The following PPARGC1B variants were observed in gnomAD, a reference collection of about 807,000 sequenced individuals.
The protein encoded by PPARGC1B is peroxisome proliferator-activated receptor gamma coactivator 1-beta.
PPARGC1B carries 34 observed loss-of-function variants against 101.6 expected under a neutral mutation model. That is an observed-to-expected ratio of 0.33 (90% CI 0.25 to 0.45). The LOEUF is 0.45. PPARGC1B is among the 20% of genes least tolerant of loss of function. The pLI, the probability that PPARGC1B is intolerant of heterozygous loss-of-function variation, is 1.00. For missense variants in PPARGC1B, 1,234 were observed against 1,317.6 expected (o/e 0.94, Z 0.98); for synonymous variants, 548 against 539.3 (o/e 1.02, Z -0.22).
chr5:149,767,850 T>C (rs1755972874), intron 1 of PPARGC1B, among the ~76,000 whole-genome samples: 1 of 152,140 alleles, frequency 6.6e-6, no homozygotes, highest in African/African-American at 2.4e-5. Flanking sequence ...GGGTGGCGGA[T>C]GCAGGGAAGA....
chr5:149,820,674 G>T (rs1758257868), intron 2 of PPARGC1B, 68 bp downstream of exon 2: 1 of 1,449,902 alleles, frequency 6.9e-7, no homozygotes, highest in Non-Finnish European at 9.5e-7. Context: ...TCCCGGCTCT[G>T]CCCTGCTCTG....
At chr5:149,841,740 A>G (rs1759345980) in intron 9 of PPARGC1B, among the ~76,000 whole-genome samples, 1 of 152,130 alleles carries the variant, frequency 6.6e-6, no homozygotes, top group South Asian at 2.1e-4. Context: ...ACCCACTGGC[A>G]TAGCATGGAA....
At chr5:149,831,254 C>A (rs2113393044) in intron 4 of PPARGC1B, among the ~76,000 whole-genome samples, 1 of 152,290 alleles carries the variant, frequency 6.6e-6, no homozygotes, top group East Asian at 1.9e-4. Flanking sequence ...TTTCCCCCCT[C>A]AGGGAGCCCA....
intron 1 of PPARGC1B, among the ~76,000 whole-genome samples, chr5:149,769,354 G>C (rs972497635): frequency 3.3e-5 from 5 of 152,174 alleles, no homozygotes; most frequent in South Asian, 2.1e-4. Flanking sequence ...GAAGGCTGGG[G>C]ATCCTGGTCT....
rs373317441 is a variant in PPARGC1B, at chr5:149,815,038, T to C, written c.79-5395T>C. On this transcript the variant is annotated intron_variant, in intron 1 of 11. Transcript: ENST00000309241. ...GAAGCTCCATTTCCCCACCTGCAGA[T>C]GGGAATGAATGGTCTTGAATGTTCC... is the stretch of plus-strand genomic sequence containing the variant. Among the ~76,000 whole-genome samples the C allele has an allele frequency of 1.1e-4, 16 of 152,332 alleles. No homozygotes were observed. In the East Asian group the frequency reaches 1.2e-3, roughly 11 times the overall value.
chr5:149,835,919 C>T (rs1253307289), intron 7 of PPARGC1B, among the ~76,000 whole-genome samples: 2 of 151,422 alleles, frequency 1.3e-5, no homozygotes, highest in Non-Finnish European at 1.5e-5. Context: ...AGGCACTTGG[C>T]CATTTTATTG....
rs538706193 is a variant in PPARGC1B, at chr5:149,840,158, G to A, written c.2694+42G>A. 284 of 1,572,458 alleles carry A rather than the reference G, an allele frequency of 1.8e-4. 6 individuals are homozygous for A. In the South Asian group the frequency reaches 2.4e-3, roughly 13 times the overall value. On this transcript the variant is annotated intron_variant, in intron 9 of 11. Coordinates refer to ENST00000309241, the MANE Select transcript of PPARGC1B (RefSeq NM_133263.4). ...CCCAGAGCCTGGAGTGAATGGGAAC[G>A]GACAGGAAGTGTGTGGGGGCTTCAT...
chr5:149,813,316 C>T (rs1229293424), intron 1 of PPARGC1B, among the ~76,000 whole-genome samples: 1 of 152,192 alleles, frequency 6.6e-6, no homozygotes, highest in African/African-American at 2.4e-5. Flanking sequence ...GGCAGTCGGG[C>T]AGGACTTAGG....
rs143288744 is a variant in PPARGC1B at position 149,782,961 on chromosome 5, G to A, written c.79-37472G>A. On this transcript the variant is annotated intron_variant, in intron 1 of 11. Transcript: ENST00000309241. ...GAAGGAAGAAGGGAAAAAAGGGCTTGTGTGAATGCAGCCAGTGGGTCCAAG... is the reference window on the plus strand; with the variant it reads ...GAAGGAAGAAGGGAAAAAAGGGCTTATGTGAATGCAGCCAGTGGGTCCAAG... Among the ~76,000 whole-genome samples the A allele has an allele frequency of 2.2e-3, 341 of 152,344 alleles. 1 individual carries two copies. Among genetic ancestry groups the A allele is most frequent in the African/African-American group, 7.7e-3 (319 of 41,582 alleles).
Position 149,830,846 on chromosome 5 carries a change from C to G in PPARGC1B, c.545C>G (p.Ala182Gly). 1 of 1,614,144 alleles carries G rather than the reference C, an allele frequency of 6.2e-7. No individual in the cohort carries two copies. The highest frequency in any genetic ancestry group is 8.5e-7 in the Non-Finnish European group (1 of 1,179,952). ...AAGGAAGGGACCGCCTGGCGCCAGG[C>G]AGGCCTCAGATCTAAAAGTCAACGG... is the stretch of plus-strand genomic sequence containing the variant. ...TQKEGTAWRQ[A>G]GLRSKSQRPC... is the part of the protein sequence containing the mutation. The change falls in exon 4 of 12, where the codon GCA (alanine) becomes GGA (glycine). Residue 182 changes from alanine (A) to glycine (G), a missense_variant. Physicochemically the swap from Ala to Gly is moderately conservative, Grantham distance 60 (BLOSUM62 0). This residue lies in a region of PPARGC1B where 734 missense variants were observed against 768.4 expected (regional missense o/e 0.96). Coordinates refer to ENST00000309241, the MANE Select transcript of PPARGC1B (RefSeq NM_133263.4).
At chr5:149,755,600 A>G (rs10038434) in intron 1 of PPARGC1B, among the ~76,000 whole-genome samples, 49,305 of 127,692 alleles carry the variant, frequency 0.39, 8,652 homozygotes, top group Non-Finnish European at 0.42. Flanking sequence ...TGTTGTTGTT[A>G]TTATTATTAT....
intron 1 of PPARGC1B, among the ~76,000 whole-genome samples, chr5:149,799,693 G>GTTGTTGTTGTTTTTTTTTTTTTTTTTTTT (rs752427488): frequency 3.9e-5 from 3 of 76,462 alleles, no homozygotes; most frequent in African/African-American, 1.7e-4. Context: ...GCTTGTTGTT[G>GTTGTTGTTGTTTTTTTTTTTTTTTTTTTT]TTTTTTTTTT....
At chr5:149,798,432 T>C (rs1052521179) in intron 1 of PPARGC1B, among the ~76,000 whole-genome samples, 4 of 152,186 alleles carry the variant, frequency 2.6e-5, no homozygotes, top group African/African-American at 7.2e-5. Flanking sequence ...GGGGGTAAAA[T>C]GGAGTTCTGA....
downstream of PPARGC1B, among the ~76,000 whole-genome samples, chr5:149,856,042 G>A (rs745465960): frequency 5.3e-5 from 8 of 152,108 alleles, no homozygotes; most frequent in Admixed American, 1.3e-4. Context: ...GCTTGAACCC[G>A]GGAGGCGGAG....
chr5:149,806,032 A>G (rs1484355304), intron 1 of PPARGC1B, among the ~76,000 whole-genome samples: 1 of 152,072 alleles, frequency 6.6e-6, no homozygotes, highest in African/African-American at 2.4e-5. Context: ...CGGCCTGGTC[A>G]TGTGTTGGCT....
chr5:149,782,263 C>T (rs1019368851), intron 1 of PPARGC1B, among the ~76,000 whole-genome samples: 2 of 151,896 alleles, frequency 1.3e-5, no homozygotes, highest in Non-Finnish European at 2.9e-5. Flanking sequence ...ACTGTGTGAC[C>T]TTGGGTGTGG....
intron 1 of PPARGC1B, among the ~76,000 whole-genome samples, chr5:149,816,849 T>C (rs573326502): frequency 6.6e-6 from 1 of 152,212 alleles, no homozygotes; most frequent in East Asian, 1.9e-4. Context: ...GTCTGAGAGG[T>C]ACCTCCCCAA....
At chr5:149,764,966 C>T (rs147449450) in intron 1 of PPARGC1B, among the ~76,000 whole-genome samples, 30 of 152,146 alleles carry the variant, frequency 2.0e-4, no homozygotes, top group African/African-American at 7.0e-4. Context: ...CTACCAACTC[C>T]CTGGGGTGGG....
At chr5:149,784,840 T>G (rs1049494058) in intron 1 of PPARGC1B, among the ~76,000 whole-genome samples, 2 of 152,164 alleles carry the variant, frequency 1.3e-5, no homozygotes, top group Admixed American at 1.3e-4. Flanking sequence ...GTGCTGGGAT[T>G]ACAGGCGTGA....
Sources: gnomAD v4.1 joint callset for allele counts (sites outside exome capture counted in the v4.1 genomes callset) on GRCh38, gnomAD v4.1.1 for gene constraint, gnomAD v4.1.1 regional missense constraint, MANE v1.5 for transcripts, NCBI Gene and HGNC (gene_info 2026-07-23, HGNC 2026-07-21) for gene names.